The following ZBTB20 variants were observed in gnomAD, a reference collection of about 807,000 sequenced individuals.
ZBTB20 encodes the protein zinc finger and BTB domain-containing protein 20.
A neutral mutation model predicts 56.9 loss-of-function variants in ZBTB20; 9 were observed. The observed-to-expected ratio is 0.16, with a 90% confidence interval of 0.10 to 0.28. The LOEUF is 0.28. Among genes scored for constraint, ZBTB20 ranks in the 10% least tolerant of loss-of-function variants. The pLI is 1.00. For missense variants in ZBTB20, 655 were observed against 1,003.0 expected (o/e 0.65, Z 4.69); for synonymous variants, 417 against 420.7 (o/e 0.99, Z 0.11).
chr3:114,474,287 T>C (rs2040488990), intron 7 of ZBTB20, among the ~76,000 whole-genome samples: 1 of 152,210 alleles, frequency 6.6e-6, no homozygotes, highest in East Asian at 1.9e-4. Context: ...ATTGACCCCA[T>C]TAGCTATATC....
chr3:114,640,650 A>G (rs192099034), intron 6 of ZBTB20, among the ~76,000 whole-genome samples: 60 of 152,218 alleles, frequency 3.9e-4, no homozygotes, highest in Middle Eastern at 3.4e-3. Flanking sequence ...ATGATAAAAT[A>G]TGGGGTTACC....
intron 10 of ZBTB20, among the ~76,000 whole-genome samples, chr3:114,360,136 TATC>T (rs1163930672): frequency 2.6e-5 from 4 of 151,286 alleles, no homozygotes; most frequent in Admixed American, 2.0e-4. Flanking sequence ...TGGCAAAAAA[TATC>T]ATTGAGTTCC....
chr3:115,108,656 A>C (rs1361219419), intron 1 of ZBTB20, among the ~76,000 whole-genome samples: 2 of 152,220 alleles, frequency 1.3e-5, no homozygotes, highest in Non-Finnish European at 2.9e-5. Context: ...AAATGAAGTT[A>C]TTGCCTCACA....
chr3:114,869,601 T>C (rs1275433495), intron 4 of ZBTB20, among the ~76,000 whole-genome samples: 2 of 152,172 alleles, frequency 1.3e-5, no homozygotes, highest in African/African-American at 2.4e-5. Context: ...TTTCAAAGCC[T>C]ACCGTGTTAA....
intron 2 of ZBTB20, among the ~76,000 whole-genome samples, chr3:115,036,228 TTTATG>T (rs1040020633): frequency 6.6e-6 from 1 of 152,208 alleles, no homozygotes; most frequent in African/African-American, 2.4e-5. Flanking sequence ...GGTGGTGTAT[TTTATG>T]TTATGTGTAT....
At chr3:114,362,447 A>G (rs987986962) in intron 10 of ZBTB20, among the ~76,000 whole-genome samples, 1 of 152,194 alleles carries the variant, frequency 6.6e-6, no homozygotes, top group African/African-American at 2.4e-5. Flanking sequence ...AACAAGTGGG[A>G]ACCTCAGGGC....
intron 6 of ZBTB20, among the ~76,000 whole-genome samples, chr3:114,577,733 C>T (rs2054233992): frequency 6.6e-6 from 1 of 152,146 alleles, no homozygotes; most frequent in Admixed American, 6.5e-5. Flanking sequence ...GGGGAAACAG[C>T]TTATATAGGG....
intron 2 of ZBTB20, among the ~76,000 whole-genome samples, chr3:115,013,431 G>C (rs1161523254): frequency 6.6e-6 from 1 of 151,596 alleles, no homozygotes; most frequent in Non-Finnish European, 1.5e-5. Flanking sequence ...GAAAAATTTG[G>C]AAGAAATGGA....
intron 6 of ZBTB20, among the ~76,000 whole-genome samples, chr3:114,576,294 T>C (rs2054005716): frequency 1.3e-5 from 2 of 151,252 alleles, no homozygotes; most frequent in Admixed American, 1.3e-4. Context: ...GGTCAGGAGA[T>C]CGAGACCATC....
intron 5 of ZBTB20, among the ~76,000 whole-genome samples, chr3:114,702,127 C>T (rs755790196): frequency 1.3e-5 from 2 of 151,934 alleles, no homozygotes; most frequent in Non-Finnish European, 2.9e-5. Flanking sequence ...GGCTTGAGCC[C>T]AGGAGTTTGA....
intron 7 of ZBTB20, among the ~76,000 whole-genome samples, chr3:114,483,449 C>A (rs1297821848): frequency 6.6e-6 from 1 of 151,674 alleles, no homozygotes; most frequent in South Asian, 2.1e-4. Flanking sequence ...TTGGTGAGGG[C>A]AGTATAGGTA....
intron 6 of ZBTB20, among the ~76,000 whole-genome samples, chr3:114,639,555 A>G (rs928041286): frequency 6.6e-5 from 10 of 152,030 alleles, no homozygotes; most frequent in Non-Finnish European, 1.2e-4. Flanking sequence ...TCTACCTTAA[A>G]TAAAAGTTTA....
chr3:114,720,778 G>A (rs1380750265), intron 5 of ZBTB20, among the ~76,000 whole-genome samples: 1 of 152,108 alleles, frequency 6.6e-6, no homozygotes, highest in Non-Finnish European at 1.5e-5. Flanking sequence ...ATGCTATTGG[G>A]TAAATAATGA....
chr3:114,460,348 C>G (rs1353988651), intron 7 of ZBTB20, among the ~76,000 whole-genome samples: 1 of 151,962 alleles, frequency 6.6e-6, no homozygotes, highest in African/African-American at 2.4e-5. Flanking sequence ...TGTTACCTTA[C>G]GTGGCAAAGG....
At chr3:114,352,020 G>T in intron 10 of ZBTB20, 142 bp from the exon 11 acceptor site, 1 of 1,058,334 alleles carries the variant, frequency 9.4e-7, no homozygotes, top group Non-Finnish European at 1.3e-6. Context: ...AGATGGACAG[G>T]CTGCGGCATA....
chr3:115,002,526 T>A (rs1156934793), intron 2 of ZBTB20, among the ~76,000 whole-genome samples: 1 of 151,602 alleles, frequency 6.6e-6, no homozygotes, highest in Non-Finnish European at 1.5e-5. Context: ...GATTAAAATG[T>A]GAGCAAAAGA....
chr3:114,882,701 G>A (rs1333080794), intron 4 of ZBTB20, among the ~76,000 whole-genome samples: 1 of 151,970 alleles, frequency 6.6e-6, no homozygotes, highest in Non-Finnish European at 1.5e-5. Context: ...AAGTACAAAT[G>A]TATTTGAACA....
chr3:114,405,731 G>A (rs990651205), intron 7 of ZBTB20, among the ~76,000 whole-genome samples: 1 of 152,068 alleles, frequency 6.6e-6, no homozygotes, highest in Non-Finnish European at 1.5e-5. Flanking sequence ...TAAAATGGTG[G>A]AGCTGTAAGC....
At chr3:114,370,374 A>T (rs763123250) in intron 10 of ZBTB20, among the ~76,000 whole-genome samples, 1 of 152,092 alleles carries the variant, frequency 6.6e-6, no homozygotes, top group Non-Finnish European at 1.5e-5. Flanking sequence ...TTTGTGACAC[A>T]TCTGATTCTG....
Sources: gnomAD v4.1 joint callset for allele counts (sites outside exome capture counted in the v4.1 genomes callset) on GRCh38, gnomAD v4.1.1 for gene constraint, MANE v1.5 for transcripts, NCBI Gene and HGNC (gene_info 2026-07-23, HGNC 2026-07-21) for gene names.